The following ZBTB20 variants were observed in gnomAD, a reference collection of about 807,000 sequenced individuals.
The protein encoded by ZBTB20 is zinc finger and BTB domain containing 20.
A neutral mutation model predicts 56.9 loss-of-function variants in ZBTB20; 9 were observed. The observed-to-expected ratio is 0.16, with a 90% CI of 0.10 to 0.28. The LOEUF (loss-of-function observed/expected upper bound fraction) is 0.28, where lower values mean the gene tolerates loss of function less well. Ranked by LOEUF, ZBTB20 falls within the 10% of genes least tolerant of loss-of-function variation. The pLI, the probability that ZBTB20 is intolerant of heterozygous loss-of-function variation, is 1.00. For missense variants in ZBTB20, 655 were observed against 1,003.0 expected, an observed-to-expected ratio of 0.65 and a Z score of 4.69; for synonymous variants, 417 against 420.7, an observed-to-expected ratio of 0.99 and a Z score of 0.11.
chr3:114,711,688 C>T (rs1041316701), intron 5 of ZBTB20, among the ~76,000 whole-genome samples: 1 of 152,120 alleles, frequency 6.6e-6, no homozygotes, highest in African/African-American at 2.4e-5. Context: ...CTTGATGAAC[C>T]CTCAATCTGG....
chr3:114,370,670 A>C (rs2082896932), intron 10 of ZBTB20, among the ~76,000 whole-genome samples: 1 of 151,950 alleles, frequency 6.6e-6, no homozygotes, highest in Non-Finnish European at 1.5e-5. Context: ...GTTTACTCCC[A>C]TATTTATGGC....
intron 1 of ZBTB20, among the ~76,000 whole-genome samples, chr3:115,141,867 T>C (rs1015975854): frequency 6.6e-6 from 1 of 152,194 alleles, no homozygotes; most frequent in African/African-American, 2.4e-5. Flanking sequence ...AACTTAGTCA[T>C]GCTTACTTTA....
At chr3:114,956,498 A>C (rs570564924) in intron 3 of ZBTB20, among the ~76,000 whole-genome samples, 1 of 152,250 alleles carries the variant, frequency 6.6e-6, no homozygotes, top group South Asian at 2.1e-4. Flanking sequence ...TTTTTTCAAC[A>C]TAACCTTTCC....
intron 3 of ZBTB20, among the ~76,000 whole-genome samples, chr3:114,903,612 G>A (rs1388659804): frequency 1.3e-5 from 2 of 152,008 alleles, no homozygotes; most frequent in Admixed American, 1.3e-4. Context: ...TCCTATGACT[G>A]AAAAGAAAGG....
chr3:114,961,660 G>T (rs542102227), intron 3 of ZBTB20, among the ~76,000 whole-genome samples: 2 of 152,092 alleles, frequency 1.3e-5, no homozygotes, highest in African/African-American at 2.4e-5. Flanking sequence ...CCTTCCCGTT[G>T]TTCTTGCCTA....
chr3:114,861,210 C>T (rs1335050052), intron 4 of ZBTB20, among the ~76,000 whole-genome samples: 1 of 152,174 alleles, frequency 6.6e-6, no homozygotes, highest in Non-Finnish European at 1.5e-5. Context: ...AGCTTGCCAA[C>T]TTTACTCTAC....
In ZBTB20 at chr3:114,590,654, A is replaced by G. The variant is rs1453814455; in HGVS notation, c.-294-90263T>C. Among the ~76,000 whole-genome samples, 3 of 152,262 alleles carry G rather than the reference A, an allele frequency of 2.0e-5. No individual in the cohort carries two copies. The East Asian group carries it at 5.8e-4, about 29-fold the overall frequency. ...TAAGAGTGATCCTTTAATCTCCATT[A>G]AAATGTTGGTGGCATTTCTATTGCT... is the stretch of plus-strand genomic sequence containing the variant. On this transcript the variant is annotated intron_variant, in intron 6 of 11. Transcript: ENST00000675478.
At chr3:114,897,459 C>A (rs2074930632) in intron 4 of ZBTB20, among the ~76,000 whole-genome samples, 1 of 152,056 alleles carries the variant, frequency 6.6e-6, no homozygotes, top group Non-Finnish European at 1.5e-5. Context: ...TTCTTTATTT[C>A]CTTAACCCTG....
chr3:114,960,582 G>A (rs1204541129), intron 3 of ZBTB20, among the ~76,000 whole-genome samples: 1 of 152,196 alleles, frequency 6.6e-6, no homozygotes, highest in Admixed American at 6.5e-5. Flanking sequence ...GATGTGTTGA[G>A]TATTATATTT....
At chr3:115,126,582 GA>G (rs1008817505) in intron 1 of ZBTB20, among the ~76,000 whole-genome samples, 3 of 151,446 alleles carry the variant, frequency 2.0e-5, no homozygotes, top group Non-Finnish European at 4.4e-5. Context: ...TCTTAATGTT[GA>G]AAAAAAAGCA....
At chr3:115,061,245 C>T (rs1320401563) in intron 2 of ZBTB20, among the ~76,000 whole-genome samples, 1 of 152,150 alleles carries the variant, frequency 6.6e-6, no homozygotes, top group African/African-American at 2.4e-5. Context: ...CTACTGCCTA[C>T]TGCTAAAAAC....
At chr3:114,479,152 T>C (rs2041234201) in intron 7 of ZBTB20, among the ~76,000 whole-genome samples, 1 of 152,006 alleles carries the variant, frequency 6.6e-6, no homozygotes, top group Non-Finnish European at 1.5e-5. Context: ...TTTTGGTGAA[T>C]AAGAAAGCAG....
At chr3:114,601,660 G>T (rs1448456801) in intron 6 of ZBTB20, among the ~76,000 whole-genome samples, 1 of 151,998 alleles carries the variant, frequency 6.6e-6, no homozygotes, top group Non-Finnish European at 1.5e-5. Context: ...ATGGCCTAAA[G>T]AAATGGCTAA....
rs1309700230 is a variant in ZBTB20, at chr3:114,321,662, G to C, written c.*17343C>G. ...CCAACTAGTGTGAAGTTTTCTTCCA[G>C]GAAAAAAAGAAGGAGAAAAAGAAAT... On this transcript the variant is annotated 3_prime_UTR_variant, in exon 12 of 12. Transcript: ENST00000675478. The C allele has an allele frequency of 1.3e-5, 2 of 152,078 alleles. No homozygotes were observed. The allele number at this position is 152,078 out of a possible 1,614,324, so 9.4% of individuals were successfully genotyped here.
intron 4 of ZBTB20, among the ~76,000 whole-genome samples, chr3:114,849,809 C>T (rs1310942790): frequency 1.3e-5 from 2 of 151,848 alleles, no homozygotes; most frequent in African/African-American, 2.4e-5. Context: ...CAAGTTAACC[C>T]CTGGTTTAAT....
rs530455852 is a variant in ZBTB20, at chr3:114,855,127, G to A, written c.-417+45177C>T. On this transcript the variant is annotated intron_variant, in intron 4 of 11. Coordinates refer to ENST00000675478, the MANE Select transcript of ZBTB20 (RefSeq NM_001348800.3). ...ATAATTATGTGTGTGTTATAAGTATGTAAATGTTATAGATCTCATAGAACT... is the reference window on the plus strand; with the variant it reads ...ATAATTATGTGTGTGTTATAAGTATATAAATGTTATAGATCTCATAGAACT... Among the ~76,000 whole-genome samples, 3 of 152,280 alleles carry A rather than the reference G, an allele frequency of 2.0e-5. No homozygotes were observed. The South Asian group carries it at 6.2e-4, about 32-fold the overall frequency.
intron 1 of ZBTB20, among the ~76,000 whole-genome samples, chr3:115,119,370 T>G (rs2084115965): frequency 1.3e-5 from 2 of 152,168 alleles, no homozygotes; most frequent in Non-Finnish European, 2.9e-5. Context: ...ATTATAGAGT[T>G]TTTCTGATGA....
chr3:115,075,684 G>GA (rs1159857929), intron 1 of ZBTB20, among the ~76,000 whole-genome samples: 1 of 152,026 alleles, frequency 6.6e-6, no homozygotes, highest in Non-Finnish European at 1.5e-5. Flanking sequence ...GTTTTCAATG[G>GA]AAAAAACTGA....
intron 5 of ZBTB20, among the ~76,000 whole-genome samples, chr3:114,764,319 G>C (rs1405090467): frequency 6.7e-6 from 1 of 149,812 alleles, no homozygotes; most frequent in African/African-American, 2.5e-5. Flanking sequence ...AAAACAAACA[G>C]ATATGCTCAC....
Sources: gnomAD v4.1 joint callset for allele counts (sites outside exome capture counted in the v4.1 genomes callset) on GRCh38, gnomAD v4.1.1 for gene constraint, MANE v1.5 for transcripts, NCBI Gene and HGNC (gene_info 2026-07-23, HGNC 2026-07-21) for gene names.